BAIAP2L1: variants seen among roughly 807,000 people sequenced by gnomAD.
The protein encoded by BAIAP2L1 is BAR/IMD domain containing adaptor protein 2 like 1, also known as BAR/IMD domain-containing adapter protein 2-like 1.
In BAIAP2L1, 35 loss-of-function variants were observed where a neutral mutation model predicts 66.3. The observed-to-expected ratio is 0.53, with a 90% CI of 0.40 to 0.70. The LOEUF is 0.70. Ranked by LOEUF, BAIAP2L1 falls within the 30% of genes least tolerant of loss-of-function variation. BAIAP2L1 has a pLI of 0.00. For synonymous variants in BAIAP2L1, 269 were observed against 248.7 expected (o/e 1.08, Z -0.77); for missense variants, 622 against 656.9 (o/e 0.95, Z 0.58).
intron 1 of BAIAP2L1, among the ~76,000 whole-genome samples, chr7:98,395,113 A>AAAAAC (rs1011228513): frequency 1.4e-4 from 22 of 151,996 alleles, no homozygotes; most frequent in South Asian, 4.2e-4. Context: ...TCCGTCTCAA[A>AAAAAC]AAAACAAAAC....
chr7:98,370,372 CAAAAAAA>C (rs397890051), intron 1 of BAIAP2L1, among the ~76,000 whole-genome samples: 2 of 103,382 alleles, frequency 1.9e-5, no homozygotes, highest in Admixed American at 1.1e-4. Context: ...GGCTCCGTCT[CAAAAAAA>C]AAAAAAAAAA....
chr7:98,317,076 C>T, intron 6 of BAIAP2L1, 143 bp downstream of exon 6: 1 of 1,039,534 alleles, frequency 9.6e-7, no homozygotes, highest in Non-Finnish European at 1.4e-6. Flanking sequence ...TGGTCTCGAA[C>T]TCCTGACCTC....
rs371125291 is a variant in BAIAP2L1 at position 98,299,263 on chromosome 7, C to T, written c.1422+4933G>A. On this transcript the variant is annotated intron_variant, in intron 12 of 13. Transcript: ENST00000005260. ...CAAACTCTTGACATCAGGTGATCCA[C>T]CTGCCTCGGCCTCCCAAGGTGCTGG... Among the ~76,000 whole-genome samples, 17 of 152,222 alleles carry T rather than the reference C, an allele frequency of 1.1e-4. No individual in the cohort carries two copies. The East Asian group carries it at 2.9e-3, about 26-fold the overall frequency.
At chr7:98,395,314 C>T (rs974474465) in intron 1 of BAIAP2L1, among the ~76,000 whole-genome samples, 2 of 151,816 alleles carry the variant, frequency 1.3e-5, no homozygotes, top group Non-Finnish European at 2.9e-5. Context: ...TGGCATAAGC[C>T]TGTAATCCCA....
chr7:98,387,696 T>C (rs1306556627), intron 1 of BAIAP2L1, among the ~76,000 whole-genome samples: 1 of 128,264 alleles, frequency 7.8e-6, no homozygotes, highest in Non-Finnish European at 1.8e-5. Flanking sequence ...AGGCCCTGTC[T>C]CTACAAGAAA....
chr7:98,330,921 G>A (rs6949214), intron 3 of BAIAP2L1, among the ~76,000 whole-genome samples: 57,553 of 151,948 alleles, frequency 0.38, 12,424 homozygotes, highest in Middle Eastern at 0.54. Context: ...CCTTTCACGA[G>A]GAATCTGCCC....
At chr7:98,315,884 T>C (rs1331134949) in intron 6 of BAIAP2L1, among the ~76,000 whole-genome samples, 1 of 152,150 alleles carries the variant, frequency 6.6e-6, no homozygotes, top group Non-Finnish European at 1.5e-5. Flanking sequence ...ACTTCAGAGA[T>C]ATGATCGTGT....
chr7:98,293,413 A>G lies in BAIAP2L1; in HGVS notation c.*108T>C, dbSNP rs539112546. 1.4e-4 allele frequency: 139 copies of G among 997,484 alleles called. 1 individual carries two copies. Among genetic ancestry groups the G allele is most frequent in the Admixed American group, 4.4e-4 (22 of 50,088 alleles). The allele number at this position is 997,484 out of a possible 1,614,324, so 61.8% of individuals were successfully genotyped here. On this transcript the variant is annotated 3_prime_UTR_variant, in exon 14 of 14. Transcript: ENST00000005260. ...TGCTTAAGCAGGCGACATTAGAGTT[A>G]GGCCTCTCCACTGAAGCTTCCCGAC...
chr7:98,353,384 G>GTATATTATAAATATACATAATATA (rs1255500844), intron 3 of BAIAP2L1, among the ~76,000 whole-genome samples: 1 of 129,364 alleles, frequency 7.7e-6, no homozygotes, highest in Admixed American at 8.8e-5. Flanking sequence ...TTTATATTAT[G>GTATATTATAAATATACATAATATA]TATATTATAA....
intron 6 of BAIAP2L1, among the ~76,000 whole-genome samples, chr7:98,316,225 T>C (rs1044992745): frequency 6.6e-6 from 1 of 152,208 alleles, no homozygotes; most frequent in African/African-American, 2.4e-5. Flanking sequence ...TCCACCATGA[T>C]TGTGAGGCCT....
intron 1 of BAIAP2L1, among the ~76,000 whole-genome samples, chr7:98,387,062 C>T (rs767837774): frequency 5.9e-5 from 9 of 152,086 alleles, no homozygotes; most frequent in Admixed American, 2.6e-4. Context: ...AACCTACACG[C>T]GTATTAAGCT....
At chr7:98,301,508 G>A (rs894343605) in intron 12 of BAIAP2L1, among the ~76,000 whole-genome samples, 4 of 149,718 alleles carry the variant, frequency 2.7e-5, no homozygotes, top group African/African-American at 4.9e-5. Context: ...AAGTGGAGAC[G>A]GGATTTCACC....
chr7:98,341,178 A>G (rs1253575058), intron 3 of BAIAP2L1, among the ~76,000 whole-genome samples: 5 of 152,094 alleles, frequency 3.3e-5, no homozygotes, highest in African/African-American at 1.2e-4. Context: ...AATACTCAAG[A>G]AAAAAAGCTG....
intron 1 of BAIAP2L1, among the ~76,000 whole-genome samples, chr7:98,368,811 T>TA (rs896376502): frequency 1.1e-4 from 17 of 151,852 alleles, no homozygotes; most frequent in South Asian, 1.0e-3. Flanking sequence ...TTTTATTTTT[T>TA]TTTTTTGGCT....
At chr7:98,370,565 G>T (rs536510251) in intron 1 of BAIAP2L1, among the ~76,000 whole-genome samples, 1 of 151,482 alleles carries the variant, frequency 6.6e-6, no homozygotes, top group African/African-American at 2.4e-5. Context: ...GCAGTGGCGC[G>T]ATCTCGGCTC....
rs1214756699 is a variant in BAIAP2L1 at position 98,393,022 on chromosome 7, TACAC to T, written c.51+7776_51+7779del. The stretch of plus-strand genomic sequence containing the variant: ...TGTAATTTTTGTGTATATATATACA[TACAC>T]ACATATATATACATATATACGTGTA... On this transcript the variant is annotated intron_variant, in intron 1 of 13. Coordinates refer to ENST00000005260, the MANE Select transcript of BAIAP2L1 (RefSeq NM_018842.5). 3.7e-5 allele frequency among the ~76,000 whole-genome samples: 5 copies of T among 134,432 alleles called. 1 individual carries two copies. The highest frequency in any genetic ancestry group is 1.5e-4 in the African/African-American group (5 of 34,264). 88.2% of individuals were successfully genotyped at this position (134,432 alleles called of 152,430 possible).
intron 1 of BAIAP2L1, among the ~76,000 whole-genome samples, chr7:98,365,168 T>TTTTG (rs148607151): frequency 6.6e-6 from 1 of 151,970 alleles, no homozygotes; most frequent in Non-Finnish European, 1.5e-5. Flanking sequence ...CCAGCATTTT[T>TTTTG]TTTGTTTGTT....
intron 12 of BAIAP2L1, among the ~76,000 whole-genome samples, chr7:98,301,013 G>A (rs971438278): frequency 1.5e-4 from 23 of 152,182 alleles, no homozygotes; most frequent in Non-Finnish European, 4.4e-5. Flanking sequence ...CCACCCCTGC[G>A]TGGGTCTCAT....
intron 3 of BAIAP2L1, among the ~76,000 whole-genome samples, chr7:98,334,932 G>A (rs62478175): frequency 0.38 from 55,911 of 147,758 alleles, 12,051 homozygotes; most frequent in Middle Eastern, 0.53. Flanking sequence ...GGTGGATCAC[G>A]AGATCAGGAG....
Sources: gnomAD v4.1 joint callset for allele counts (sites outside exome capture counted in the v4.1 genomes callset) on GRCh38, gnomAD v4.1.1 for gene constraint, MANE v1.5 for transcripts, NCBI Gene and HGNC (gene_info 2026-07-23, HGNC 2026-07-21) for gene names.